The following E2F2 variants were observed in gnomAD, a reference collection of about 807,000 sequenced individuals.
E2F2 encodes E2F transcription factor 2.
A neutral mutation model predicts 42.2 loss-of-function variants in E2F2; 22 were observed. The observed-to-expected ratio is 0.52, with a 90% confidence interval of 0.37 to 0.74. E2F2 has a LOEUF of 0.74. Ranked by LOEUF, E2F2 falls within the 30% of genes least tolerant of loss-of-function variation. The pLI is 0.00. For synonymous variants in E2F2, 248 were observed against 251.6 expected (o/e 0.99, Z 0.13); for missense variants, 481 against 557.8 (o/e 0.86, Z 1.39).
rs747402379 is a variant in E2F2, at chr1:23,522,030, G to A, written c.385C>T (p.Arg129Trp). 1.9e-6 allele frequency: 3 copies of A among 1,613,972 alleles called. No homozygotes were observed. The highest frequency in any genetic ancestry group is 2.5e-6 in the Non-Finnish European group (3 of 1,180,034). The change falls in exon 3 of 7, where the codon CGG becomes TGG. Residue 129 changes from arginine to tryptophan, a missense_variant. By Grantham distance (101) the Arg-to-Trp change is moderately radical. Coordinates refer to ENST00000361729, the MANE Select transcript of E2F2 (RefSeq NM_004091.4). ...KTPKSPGEKT[R>W]YDTSLGLLTK... ...AGCAGCCCCAGCGAAGTGTCATACCGAGTCTTCTCCCCGGGGGATTTGGGG... is the reference window on the plus strand; with the variant it reads ...AGCAGCCCCAGCGAAGTGTCATACCAAGTCTTCTCCCCGGGGGATTTGGGG...
intron 1 of E2F2, among the ~76,000 whole-genome samples, chr1:23,525,355 TGGGCAGGGGCA>T (rs923983455): frequency 1.6e-4 from 24 of 152,268 alleles, no homozygotes; most frequent in Admixed American, 4.6e-4. Flanking sequence ...TGGTTAGGGC[TGGGCAGGGGCA>T]GGGCAGGGGC....
At chr1:23,518,539 G>A (rs1643072199) in intron 5 of E2F2, among the ~76,000 whole-genome samples, 1 of 152,046 alleles carries the variant, frequency 6.6e-6, no homozygotes, top group African/African-American at 2.4e-5. Context: ...AATGAGCTTA[G>A]TGCAATGGGG....
At chr1:23,516,576 TAC>T in intron 5 of E2F2, 49 bp from the exon 6 acceptor site, 1 of 1,461,398 alleles carries the variant, frequency 6.8e-7, no homozygotes, top group Non-Finnish European at 9.4e-7. Flanking sequence ...GCTGGACACT[TAC>T]ACTTAGTGTG....
rs146493961 is a variant in E2F2 at position 23,510,271 on chromosome 1, G to A, written c.1046-123C>T. 3.6e-5 allele frequency: 50 copies of A among 1,406,740 alleles called. No homozygotes were observed. In the African/African-American group the frequency reaches 6.9e-4, roughly 19 times the overall value. The allele number at this position is 1,406,740 out of a possible 1,614,324, so 87.1% of individuals were successfully genotyped here. On this transcript the variant is annotated intron_variant, in intron 6 of 6. Transcript: ENST00000361729. Reference sequence around the variant, plus strand: ...TCTCTCTCCTTAGCCTGGGTGGACTGTCGTGCTCTCAAAATCCACCTTCCA... The same window carrying A: ...TCTCTCTCCTTAGCCTGGGTGGACTATCGTGCTCTCAAAATCCACCTTCCA...
rs71023281 is a variant in E2F2, at chr1:23,513,562, A to ATGTGTGTGTGTG, written c.1045+2761_1045+2772dup. On this transcript the variant is annotated intron_variant, in intron 6 of 6. Coordinates refer to ENST00000361729, the MANE Select transcript of E2F2 (RefSeq NM_004091.4). ...ACTATTTCAGAACACAGCACGGAACATGTGTGTGTGTGTGTGTGTGTGTGT... is the reference window on the plus strand; with the variant it reads ...ACTATTTCAGAACACAGCACGGAACATGTGTGTGTGTGTGTGTGTGTGTGTGTGTGTGTGTGT... Among the ~76,000 whole-genome samples, 1,120 of 135,248 alleles carry ATGTGTGTGTGTG rather than the reference A, an allele frequency of 8.3e-3. 10 individuals are homozygous for ATGTGTGTGTGTG. The highest frequency in any genetic ancestry group is 0.016 in the East Asian group (70 of 4,446). The allele number at this position is 135,248 out of a possible 152,430, so 88.7% of individuals were successfully genotyped here.
chr1:23,521,558 T>G (rs773080962), intron 3 of E2F2: 12 of 985,254 alleles, frequency 1.2e-5, no homozygotes, highest in African/African-American at 1.7e-5. Flanking sequence ...TGAGGTTCCC[T>G]TTGGCCTTTA....
In E2F2 at chr1:23,516,290, C is replaced by G. The variant is rs1414710908; in HGVS notation, c.1045+45G>C. On this transcript the variant is annotated intron_variant, in intron 6 of 6. Transcript: ENST00000361729. Reference sequence around the variant, plus strand: ...ATTGATATAGAAGAGAAAACTAAGGCCGGTCTCTCCCCCCACCTCCTGTCC... The same window carrying G: ...ATTGATATAGAAGAGAAAACTAAGGGCGGTCTCTCCCCCCACCTCCTGTCC... 3.5e-6 allele frequency: 5 copies of G among 1,424,896 alleles called. No individual in the cohort carries two copies. In the South Asian group the frequency reaches 8.0e-5, roughly 23 times the overall value. 88.3% of individuals were successfully genotyped at this position (1,424,896 alleles called of 1,614,324 possible).
chr1:23,511,849 A>G (rs755409694), intron 6 of E2F2, among the ~76,000 whole-genome samples: 1 of 152,214 alleles, frequency 6.6e-6, no homozygotes, highest in Non-Finnish European at 1.5e-5. Flanking sequence ...ATGGGGCAGC[A>G]TAGCACTACC....
rs1234800258 is a variant in E2F2, at chr1:23,530,761, G to A, written c.33C>T (p.Ala11=). The part of the protein sequence containing the change: MLQGPRALAS[A]AGQTPKVVPA... Reference sequence around the variant, plus strand: ...GCACCACCTTCGGGGTCTGCCCAGCGGCCGAAGCCAAGGCCCGGGGCCCTT... The same window carrying A: ...GCACCACCTTCGGGGTCTGCCCAGCAGCCGAAGCCAAGGCCCGGGGCCCTT... Residue 11 remains alanine (A), a synonymous_variant, in exon 1 of 7, where the codon GCC becomes GCT. Transcript: ENST00000361729. This position sits in a 1 kb window ranked among gnomAD's most constrained non-coding sequence, Gnocchi z 4.4. The A allele has an allele frequency of 1.3e-6, 2 of 1,572,642 alleles. No individual in the cohort carries two copies. The highest frequency in any genetic ancestry group is 1.7e-6 in the Non-Finnish European group (2 of 1,157,748).
Position 23,522,040 on chromosome 1 carries a change from C to T in E2F2, c.375G>A (p.Gly125=), listed in dbSNP as rs1209608083. The T allele has an allele frequency of 2.5e-6, 4 of 1,613,976 alleles. No individual in the cohort carries two copies. Among genetic ancestry groups the T allele is most frequent in the African/African-American group, 2.7e-5 (2 of 74,926 alleles). Residue 125 remains glycine (G), a synonymous_variant, in exon 3 of 7, where the codon GGG becomes GGA. Transcript: ENST00000361729. ...LPSPKTPKSP[G]EKTRYDTSLG... ...GCGAAGTGTCATACCGAGTCTTCTCCCCGGGGGATTTGGGGGCTGAAGAAG... is the reference window on the plus strand; with the variant it reads ...GCGAAGTGTCATACCGAGTCTTCTCTCCGGGGGATTTGGGGGCTGAAGAAG...
At chr1:23,512,493 G>A (rs1282292785) in intron 6 of E2F2, among the ~76,000 whole-genome samples, 1 of 152,152 alleles carries the variant, frequency 6.6e-6, no homozygotes, top group Non-Finnish European at 1.5e-5. Flanking sequence ...GCACGCTGCT[G>A]ATGTTACAGT....
At position 23,531,183 on chromosome 1, in the gene E2F2, G is replaced by A. The variant is rs188935478; in HGVS notation, c.-390C>T. The A allele has an allele frequency of 9.6e-5, 21 of 217,910 alleles. No individual in the cohort carries two copies. Among genetic ancestry groups the A allele is most frequent in the African/African-American group, 3.6e-4 (16 of 44,130 alleles). 13.5% of individuals were successfully genotyped at this position (217,910 alleles called of 1,614,324 possible). The stretch of plus-strand genomic sequence containing the variant: ...GCGCTGGGATGGGGAGGGGGGTCTC[G>A]ACTGCACCGACTTCCTTGCGGCTCG... On this transcript the variant is annotated 5_prime_UTR_variant, in exon 1 of 7. Transcript: ENST00000361729.
chr1:23,527,673 C>T (rs552555725), intron 1 of E2F2, among the ~76,000 whole-genome samples: 4 of 152,188 alleles, frequency 2.6e-5, no homozygotes, highest in Non-Finnish European at 5.9e-5. Context: ...TGTAAGGGGT[C>T]GAACCTTGCT....
chr1:23,511,991 A>T (rs1270579009), intron 6 of E2F2, among the ~76,000 whole-genome samples: 1 of 152,154 alleles, frequency 6.6e-6, no homozygotes, highest in East Asian at 1.9e-4. Context: ...TGAGGTCAGG[A>T]GTTCGAGACC....
chr1:23,521,213 G>A, intron 3 of E2F2, 142 bp from the exon 4 acceptor site: 1 of 1,052,162 alleles, frequency 9.5e-7, no homozygotes, highest in Non-Finnish European at 1.3e-6. Context: ...ACCAGGGATT[G>A]GAACCAGAGG....
rs149841334 is a variant in E2F2, at chr1:23,530,653, C to G, written c.141G>C (p.Pro47=). 114 of 1,613,304 alleles carry G rather than the reference C, an allele frequency of 7.1e-5. No individual in the cohort carries two copies. In the Middle Eastern group the frequency reaches 8.2e-4, roughly 12 times the overall value. ...CGGGAGGCGCCGTCTGCGGGTACAG[C>G]GGTGTGTAGTAGGTAGCAGTAGCTG... The part of the protein sequence containing the change: ...LCPATATYYT[P]LYPQTAPPAA... The change falls in exon 1 of 7, where the codon CCG becomes CCC. Residue 47 remains proline, a synonymous_variant. Transcript: ENST00000361729. The surrounding 1 kb of genome is among the most constrained non-coding windows in gnomAD (Gnocchi z 4.4).
At chr1:23,518,472 A>AATAT (rs1643069888) in intron 5 of E2F2, among the ~76,000 whole-genome samples, 1 of 149,990 alleles carries the variant, frequency 6.7e-6, no homozygotes, top group Non-Finnish European at 1.5e-5. Context: ...CTCTGTCTCA[A>AATAT]AAATAAATAA....
chr1:23,522,623 C>T (rs556834897), intron 2 of E2F2, among the ~76,000 whole-genome samples: 30 of 152,246 alleles, frequency 2.0e-4, no homozygotes, highest in South Asian at 1.0e-3. Flanking sequence ...AAATGATAAG[C>T]CTGGATTTAA....
Position 23,506,822 on chromosome 1 carries a change from T to C in E2F2, c.*3058A>G, listed in dbSNP as rs1642805125. 1 of 152,238 alleles carries C rather than the reference T, an allele frequency of 6.6e-6. No individual in the cohort carries two copies. Among genetic ancestry groups the C allele is most frequent in the Non-Finnish European group, 1.5e-5 (1 of 68,138 alleles). 9.4% of individuals were successfully genotyped at this position (152,238 alleles called of 1,614,324 possible). A position where few individuals can be genotyped will look rare whatever the true frequency, so the allele number is the denominator to read the frequency against. ...GGCACCCAAACCCTTTCCCTAAAACTCTGAACACTGCAGAATGGAGGTTGA... is the reference window on the plus strand; with the variant it reads ...GGCACCCAAACCCTTTCCCTAAAACCCTGAACACTGCAGAATGGAGGTTGA... On this transcript the variant is annotated 3_prime_UTR_variant, in exon 7 of 7. Transcript: ENST00000361729.
Sources: gnomAD v4.1 joint callset for allele counts (sites outside exome capture counted in the v4.1 genomes callset) on GRCh38, gnomAD v4.1.1 for gene constraint, Gnocchi (gnomAD v3.1) non-coding constraint, MANE v1.5 for transcripts, NCBI Gene and HGNC (gene_info 2026-07-23, HGNC 2026-07-21) for gene names.